TENM3: variants seen among roughly 807,000 people sequenced by gnomAD.
TENM3 encodes teneurin transmembrane protein 3.
A neutral mutation model predicts 255.1 loss-of-function variants in TENM3; 63 were observed. The ratio of observed to expected loss-of-function variants is 0.25; its 90% CI spans 0.20 to 0.30. TENM3 has a LOEUF of 0.30. Ranked by LOEUF, TENM3 falls within the 10% of genes least tolerant of loss-of-function variation. The pLI, the probability that TENM3 is intolerant of heterozygous loss-of-function variation, is 1.00. For missense variants in TENM3, 2,929 were observed against 3,461.1 expected, an observed-to-expected ratio of 0.85 and a Z score of 3.86; for synonymous variants, 1,306 against 1,322.3, an observed-to-expected ratio of 0.99 and a Z score of 0.27.
At chr4:181,894,032 G>GAA in the TENM3 span, among the ~76,000 whole-genome samples, 17 of 146,348 alleles carry the variant, frequency 1.2e-4, no homozygotes, top group Middle Eastern at 3.6e-3. Flanking sequence ...TTGAGAAGTT[G>GAA]AAAAAAAAAA....
At chr4:181,897,879 T>C in the TENM3 span, among the ~76,000 whole-genome samples, 313 of 152,370 alleles carry the variant, frequency 2.1e-3, no homozygotes, top group African/African-American at 7.1e-3. Flanking sequence ...TTTAAACTTA[T>C]ATGGTTATGC....
At chr4:181,575,594 C>G in the TENM3 span, among the ~76,000 whole-genome samples, 4 of 152,102 alleles carry the variant, frequency 2.6e-5, no homozygotes, top group African/African-American at 4.8e-5. Flanking sequence ...TGCCTCTTTT[C>G]TTGGAATTAT....
At chr4:181,601,441 C>G in the TENM3 span, among the ~76,000 whole-genome samples, 1 of 152,178 alleles carries the variant, frequency 6.6e-6, no homozygotes, top group African/African-American at 2.4e-5. Flanking sequence ...TGAGGCCTCT[C>G]TCCTTGGCTG....
the TENM3 span, among the ~76,000 whole-genome samples, chr4:181,875,757 G>A: frequency 1.3e-5 from 2 of 152,286 alleles, no homozygotes; most frequent in African/African-American, 4.8e-5. Flanking sequence ...GAGAAGTTAA[G>A]ATTTGTTCTT....
chr4:182,710,963 G>T (rs1202465926), intron 12 of TENM3, among the ~76,000 whole-genome samples: 1 of 152,122 alleles, frequency 6.6e-6, no homozygotes, highest in East Asian at 1.9e-4. Flanking sequence ...GAGAAAAAGA[G>T]CCTTTTCCAG....
chr4:181,693,064 A>C, the TENM3 span, among the ~76,000 whole-genome samples: 39 of 152,244 alleles, frequency 2.6e-4, no homozygotes, highest in African/African-American at 8.9e-4. Context: ...TCGTTCCCAG[A>C]CCCAGCCATG....
chr4:181,469,930 ATTGT>A, the TENM3 span, among the ~76,000 whole-genome samples: 2 of 151,952 alleles, frequency 1.3e-5, no homozygotes, highest in African/African-American at 4.8e-5. Flanking sequence ...CTGTTTTTTT[ATTGT>A]TAAGTCTGAT....
In TENM3 at chr4:182,311,064, C is replaced by T. The variant is rs200094227; in HGVS notation, c.-75-12882C>T. ...GCTGTGATGGAAGAGAGCCTGTCTC[C>T]TTTGATAACTGAACCACATAGGATG... On this transcript the variant is annotated intron_variant, in intron 1 of 27. Coordinates refer to ENST00000511685, the MANE Select transcript of TENM3 (RefSeq NM_001080477.4). Among the ~76,000 whole-genome samples the T allele has an allele frequency of 1.1e-4, 17 of 152,306 alleles. No individual in the cohort carries two copies. The East Asian group carries it at 3.1e-3, about 28-fold the overall frequency.
At chr4:182,523,407 G>A (rs955388470) in intron 3 of TENM3, among the ~76,000 whole-genome samples, 2 of 152,090 alleles carry the variant, frequency 1.3e-5, no homozygotes, top group African/African-American at 4.8e-5. Flanking sequence ...GGTTATGTTA[G>A]CCAATTATAA....
intron 3 of TENM3, among the ~76,000 whole-genome samples, chr4:182,506,166 C>T (rs776355046): frequency 1.3e-5 from 2 of 152,202 alleles, no homozygotes; most frequent in Non-Finnish European, 2.9e-5. Flanking sequence ...TACTTACCAT[C>T]GGCTTCACTT....
chr4:181,463,349 T>G, the TENM3 span, among the ~76,000 whole-genome samples: 87 of 152,344 alleles, frequency 5.7e-4, no homozygotes, highest in Non-Finnish European at 9.6e-4. Context: ...TCTTGCCTGT[T>G]GTATACATTC....
chr4:181,537,466 TA>T, the TENM3 span, among the ~76,000 whole-genome samples: 14 of 152,134 alleles, frequency 9.2e-5, no homozygotes, highest in Non-Finnish European at 2.1e-4. Flanking sequence ...CTCATTGAAA[TA>T]AGGGTTAGTC....
At chr4:182,037,152 T>TTA in the TENM3 span, among the ~76,000 whole-genome samples, 1 of 149,508 alleles carries the variant, frequency 6.7e-6, no homozygotes, top group Non-Finnish European at 1.5e-5. Context: ...CTCCTTTTAT[T>TTA]TTTTTTTTTT....
the TENM3 span, among the ~76,000 whole-genome samples, chr4:181,746,229 C>A: frequency 6.6e-6 from 1 of 152,002 alleles, no homozygotes; most frequent in African/African-American, 2.4e-5. Context: ...TTGTAATGAA[C>A]AAATCTAGAC....
At chr4:182,763,913 C>A (rs1008365635) in intron 22 of TENM3, among the ~76,000 whole-genome samples, 1 of 152,112 alleles carries the variant, frequency 6.6e-6, no homozygotes, top group Non-Finnish European at 1.5e-5. Flanking sequence ...TATCCATATC[C>A]AATGAAAGAT....
At chr4:181,705,199 C>A in the TENM3 span, among the ~76,000 whole-genome samples, 1 of 152,112 alleles carries the variant, frequency 6.6e-6, no homozygotes, top group South Asian at 2.1e-4. Context: ...AGAAAAAGCA[C>A]AATCTGCACT....
the TENM3 span, among the ~76,000 whole-genome samples, chr4:181,493,220 C>A: frequency 6.6e-6 from 1 of 150,918 alleles, no homozygotes; most frequent in Non-Finnish European, 1.5e-5. Flanking sequence ...CACTTGAACC[C>A]AGGAGTTCAA....
intron 24 of TENM3, among the ~76,000 whole-genome samples, chr4:182,783,686 G>T (rs1400607833): frequency 6.6e-6 from 1 of 151,974 alleles, no homozygotes; most frequent in Non-Finnish European, 1.5e-5. Flanking sequence ...ATCACTTTCA[G>T]GTACACCAAT....
chr4:181,888,494 G>GTATATATATATATATATATA, the TENM3 span, among the ~76,000 whole-genome samples: 39 of 28,188 alleles, frequency 1.4e-3, no homozygotes, highest in African/African-American at 2.0e-3. Context: ...ATAGAAATGT[G>GTATATATATATATATATATA]TATATATATA....
Sources: gnomAD v4.1 joint callset for allele counts (sites outside exome capture counted in the v4.1 genomes callset) on GRCh38, gnomAD v4.1.1 for gene constraint, MANE v1.5 for transcripts, NCBI Gene and HGNC (gene_info 2026-07-23, HGNC 2026-07-21) for gene names.